Variants in DSCAM observed in about 807,000 individuals in gnomAD.
DSCAM encodes DS cell adhesion molecule, also known as cell adhesion molecule DSCAM.
Under a neutral mutation model 217.7 loss-of-function variants are expected in DSCAM, and 47 were observed. The ratio of observed to expected loss-of-function variants is 0.22; its 90% CI spans 0.17 to 0.28. DSCAM has a LOEUF of 0.28. Among genes scored for constraint, DSCAM ranks in the 10% least tolerant of loss-of-function variants. DSCAM has a pLI of 1.00. For synonymous variants in DSCAM, 1,056 were observed against 1,015.3 expected, an observed-to-expected ratio of 1.04 and a Z score of -0.76; for missense variants, 2,080 against 2,618.3, an observed-to-expected ratio of 0.79 and a Z score of 4.49.
chr21:40,299,550 A>C (rs963669529), intron 9 of DSCAM, among the ~76,000 whole-genome samples: 5 of 152,128 alleles, frequency 3.3e-5, no homozygotes, highest in Non-Finnish European at 7.3e-5. Context: ...AGTAGTAATA[A>C]GTTTCTAAAC....
chr21:40,202,642 C>G (rs1198950288), intron 11 of DSCAM, among the ~76,000 whole-genome samples: 2 of 152,208 alleles, frequency 1.3e-5, no homozygotes, highest in Non-Finnish European at 2.9e-5. Flanking sequence ...AGATTCTTGT[C>G]CAAAATGGGC....
At chr21:40,663,812 G>A (rs996055868) in intron 3 of DSCAM, among the ~76,000 whole-genome samples, 1 of 152,186 alleles carries the variant, frequency 6.6e-6, no homozygotes, top group African/African-American at 2.4e-5. Context: ...ACACCTTGAT[G>A]CTTCTGGGCC....
At chr21:40,273,250 G>A (rs1366543272) in intron 11 of DSCAM, among the ~76,000 whole-genome samples, 2 of 152,092 alleles carry the variant, frequency 1.3e-5, no homozygotes, top group Non-Finnish European at 2.9e-5. Flanking sequence ...TAATTTTCAT[G>A]ATAACTCTAT....
chr21:40,183,301 AG>A (rs968850728), intron 14 of DSCAM, among the ~76,000 whole-genome samples: 13 of 152,316 alleles, frequency 8.5e-5, no homozygotes, highest in African/African-American at 3.1e-4. Context: ...GGGTCCTTGT[AG>A]GGGAGAAGCA....
intron 32 of DSCAM, among the ~76,000 whole-genome samples, chr21:40,018,289 TTA>T (rs1457557658): frequency 1.3e-5 from 2 of 152,210 alleles, no homozygotes; most frequent in African/African-American, 2.4e-5. Flanking sequence ...CTGAAAGTGA[TTA>T]TGTCTTTATT....
chr21:40,547,955 C>T (rs531705125), intron 3 of DSCAM, among the ~76,000 whole-genome samples: 3 of 152,260 alleles, frequency 2.0e-5, no homozygotes, highest in South Asian at 2.1e-4. Context: ...GGATTCCTCG[C>T]GTGGCATCAG....
chr21:40,131,790 C>G (rs1039743939), intron 19 of DSCAM, among the ~76,000 whole-genome samples: 49 of 152,182 alleles, frequency 3.2e-4, no homozygotes, highest in African/African-American at 1.2e-3. Flanking sequence ...CTTGGGGTAA[C>G]TGGGGTACCC....
chr21:40,663,951 T>C (rs903265849), intron 3 of DSCAM, among the ~76,000 whole-genome samples: 1 of 152,212 alleles, frequency 6.6e-6, no homozygotes, highest in African/African-American at 2.4e-5. Context: ...ACTCAGTTTA[T>C]AGATGCAAAA....
intron 1 of DSCAM, among the ~76,000 whole-genome samples, chr21:40,727,399 A>C (rs1441280243): frequency 6.6e-6 from 1 of 152,194 alleles, no homozygotes; most frequent in Non-Finnish European, 1.5e-5. Context: ...TTCAGAAAAA[A>C]ATTAATAAGA....
intron 3 of DSCAM, among the ~76,000 whole-genome samples, chr21:40,557,899 C>T (rs2076684996): frequency 6.6e-6 from 1 of 152,102 alleles, no homozygotes; most frequent in Admixed American, 6.5e-5. Flanking sequence ...CAAGAAAGAC[C>T]CAACAATGTG....
intron 11 of DSCAM, among the ~76,000 whole-genome samples, chr21:40,241,862 T>G (rs1350519886): frequency 2.0e-5 from 3 of 152,306 alleles, no homozygotes; most frequent in Admixed American, 6.5e-5. Context: ...TCGATGGAGT[T>G]GAAGGCCATT....
intron 1 of DSCAM, among the ~76,000 whole-genome samples, chr21:40,731,135 T>C (rs952733593): frequency 3.3e-5 from 5 of 152,214 alleles, no homozygotes; most frequent in African/African-American, 7.2e-5. Context: ...GCCATAAGCA[T>C]GACTGTTCTG....
In DSCAM at chr21:40,187,002, T is replaced by G. The variant is rs1568989284; in HGVS notation, c.2779+129A>C. On this transcript the variant is annotated intron_variant, in intron 14 of 32. Transcript: ENST00000400454. Reference sequence around the variant, plus strand: ...CAGGATGTGCTTCCAGCAAGGAGACTGGGGGAAGTGGTGCCCTCTGAGCTC... The same window carrying G: ...CAGGATGTGCTTCCAGCAAGGAGACGGGGGGAAGTGGTGCCCTCTGAGCTC... 4.4e-6 allele frequency: 5 copies of G among 1,145,862 alleles called. No individual in the cohort carries two copies. In the Admixed American group the frequency reaches 1.3e-4, roughly 30 times the overall value. The allele number at this position is 1,145,862 out of a possible 1,614,324, so 71.0% of individuals were successfully genotyped here. A position where few individuals can be genotyped will look rare whatever the true frequency, so the allele number is the denominator to read the frequency against.
At chr21:40,273,996 G>A (rs903404291) in intron 11 of DSCAM, among the ~76,000 whole-genome samples, 10 of 152,096 alleles carry the variant, frequency 6.6e-5, no homozygotes, top group South Asian at 2.1e-4. Flanking sequence ...CATTCCACAC[G>A]GTCACTGATT....
At chr21:40,751,152 AC>A (rs1053600389) in intron 1 of DSCAM, among the ~76,000 whole-genome samples, 1 of 150,400 alleles carries the variant, frequency 6.6e-6, no homozygotes, top group African/African-American at 2.5e-5. Context: ...GCCCTCTTCC[AC>A]CCCCGCTGAC....
intron 27 of DSCAM, among the ~76,000 whole-genome samples, chr21:40,065,360 G>A (rs1370720286): frequency 6.6e-6 from 1 of 152,082 alleles, no homozygotes; most frequent in Non-Finnish European, 1.5e-5. Context: ...TCCCCATAGA[G>A]AGAGTGCAAA....
At chr21:40,282,412 C>A (rs530331318) in intron 10 of DSCAM, among the ~76,000 whole-genome samples, 1 of 151,456 alleles carries the variant, frequency 6.6e-6, no homozygotes, top group East Asian at 1.9e-4. Context: ...ACGGTGAAAC[C>A]CCGTCTCTAC....
At chr21:40,756,368 C>T (rs770916270) in intron 1 of DSCAM, among the ~76,000 whole-genome samples, 1 of 152,126 alleles carries the variant, frequency 6.6e-6, no homozygotes, top group Non-Finnish European at 1.5e-5. Context: ...GCCAATTAAA[C>T]CTCTTTTCTT....
At chr21:40,798,658 C>T (rs1019789757) in intron 1 of DSCAM, among the ~76,000 whole-genome samples, 1 of 151,988 alleles carries the variant, frequency 6.6e-6, no homozygotes, top group African/African-American at 2.4e-5. Flanking sequence ...GGAAGAACGT[C>T]TACTGATGTG....
Sources: gnomAD v4.1 joint callset for allele counts (sites outside exome capture counted in the v4.1 genomes callset) on GRCh38, gnomAD v4.1.1 for gene constraint, MANE v1.5 for transcripts, NCBI Gene and HGNC (gene_info 2026-07-23, HGNC 2026-07-21) for gene names.